ZNF341: variants seen among roughly 807,000 people sequenced by gnomAD.
The protein encoded by ZNF341 is zinc finger protein 341.
A neutral mutation model predicts 87.7 loss-of-function variants in ZNF341; 52 were observed. The observed-to-expected ratio is 0.59, with a 90% CI of 0.47 to 0.75. The LOEUF (loss-of-function observed/expected upper bound fraction) is 0.75. Among genes scored for constraint, ZNF341 ranks in the 30% least tolerant of loss-of-function variants. ZNF341 has a pLI of 0.00. For missense variants in ZNF341, 977 were observed against 1,145.9 expected (o/e 0.85, Z 2.13); for synonymous variants, 459 against 472.7 (o/e 0.97, Z 0.38).
At chr20:33,783,629 G>A (rs1290875870) in intron 11 of ZNF341, 103 bp from the exon 12 acceptor site, 1 of 1,524,322 alleles carries the variant, frequency 6.6e-7, no homozygotes, top group African/African-American at 1.4e-5. Flanking sequence ...CAGAAAGGAA[G>A]GTGTCTCTAT....
At chr20:33,787,437 C>G (rs367555016) in intron 12 of ZNF341, 3 of 152,122 alleles carry the variant, frequency 2.0e-5, no homozygotes, top group Non-Finnish European at 4.4e-5. Context: ...ATTTCCGTAT[C>G]GACTGGGTTG....
At chr20:33,752,112 C>G in intron 4 of ZNF341, 1 of 385,742 alleles carries the variant, frequency 2.6e-6, no homozygotes. Flanking sequence ...AAGCAAGCCC[C>G]CCCCCCTTTT....
intron 7 of ZNF341, among the ~76,000 whole-genome samples, chr20:33,759,353 C>T (rs768563066): frequency 4.6e-5 from 7 of 152,158 alleles, no homozygotes; most frequent in Non-Finnish European, 7.3e-5. Flanking sequence ...GGTGCAATCT[C>T]GGCTCACTGC....
intron 7 of ZNF341, among the ~76,000 whole-genome samples, chr20:33,761,219 G>T (rs1016448746): frequency 5.3e-5 from 8 of 152,052 alleles, no homozygotes; most frequent in Non-Finnish European, 1.2e-4. Flanking sequence ...CAAGTGCTGT[G>T]CTGTGACAAC....
At chr20:33,779,448 C>CTTT (rs34100674) in intron 10 of ZNF341, among the ~76,000 whole-genome samples, 11 of 129,076 alleles carry the variant, frequency 8.5e-5, no homozygotes, top group South Asian at 2.5e-4. Context: ...GACAATCTCC[C>CTTT]TTTTTTTTTT....
chr20:33,770,343 G>GGGGGGGGCCGGCC, intron 10 of ZNF341, 51 bp downstream of exon 10: 2 of 511,254 alleles, frequency 3.9e-6, no homozygotes, highest in Admixed American at 2.0e-5. Flanking sequence ...GGTGGGCAGG[G>GGGGGGGGCCGGCC]AGCCCAGGGC....
Position 33,761,962 on chromosome 20 carries a change from C to T in ZNF341, c.1129C>T (p.Pro377Ser). The T allele has an allele frequency of 1.2e-6, 2 of 1,609,216 alleles. No individual in the cohort carries two copies. The highest frequency in any genetic ancestry group is 8.5e-7 in the Non-Finnish European group (1 of 1,176,594). ...CATGCAGACCCACAAGGTGTGGCCT[C>T]CAGGACACAGTGGTGGCACCGTGTC... The part of the protein sequence containing the change: ...KHMQTHKVWP[P>S]GHSGGTVSRN... Residue 377 changes from proline (P) to serine (S), a missense_variant, in exon 8 of 15, where the codon CCA (proline) becomes TCA (serine). Pro to Ser is a moderately conservative substitution (Grantham distance 74). Coordinates refer to ENST00000375200, the MANE Select transcript of ZNF341 (RefSeq NM_001282933.2).
chr20:33,757,194 T>C lies in ZNF341; in HGVS notation c.788T>C (p.Val263Ala), dbSNP rs2019193709. The C allele has an allele frequency of 6.4e-7, 1 of 1,573,222 alleles. No individual in the cohort carries two copies. The highest frequency in any genetic ancestry group is 8.6e-7 in the Non-Finnish European group (1 of 1,161,648). ...CCTCCAGTATATCCCACCCCCACAG[T>C]GTACAGCCCTGGCAAACAGGGATTC... is the stretch of plus-strand genomic sequence containing the variant. The part of the protein sequence containing the change: ...VEPPVYPTPT[V>A]YSPGKQGFKP... Residue 263 changes from valine (V) to alanine (A), a missense_variant, in exon 6 of 15, where the codon GTG becomes GCG. Around this residue, in one of 3 missense-constraint regions of ZNF341, gnomAD observed 515 missense variants for 598.2 expected, o/e 0.86. Transcript: ENST00000375200.
At chr20:33,775,217 T>G (rs1166954953) in intron 10 of ZNF341, among the ~76,000 whole-genome samples, 9 of 151,678 alleles carry the variant, frequency 5.9e-5, no homozygotes, top group African/African-American at 1.4e-4. Context: ...GTTTTGTTTT[T>G]TTTTTTTTTT....
chr20:33,760,569 G>A (rs1601257292), intron 7 of ZNF341, among the ~76,000 whole-genome samples: 1 of 151,510 alleles, frequency 6.6e-6, no homozygotes, highest in East Asian at 1.9e-4. Context: ...TTTGAGACAG[G>A]GTCTTGCTCT....
rs751098136 is a variant in ZNF341 at position 33,789,521 on chromosome 20, G to A, written c.1968G>A (p.Thr656=). 1.1e-5 allele frequency: 18 copies of A among 1,613,864 alleles called. No homozygotes were observed. The highest frequency in any genetic ancestry group is 1.6e-4 in the Middle Eastern group (1 of 6,084). ...PFKKYKCPFS[T]HTGCSKEFNR... is the part of the protein sequence containing the mutation. ...GACCAGTGGCTTTGGGTTTTAGGAC[G>A]CACACAGGCTGCAGTAAGGAGTTCA... Residue 656 remains threonine (T), a synonymous_variant, in exon 14 of 15, where the codon ACG becomes ACA. Coordinates refer to ENST00000375200, the MANE Select transcript of ZNF341 (RefSeq NM_001282933.2).
chr20:33,787,725 G>A (rs1359289136), intron 12 of ZNF341: 1 of 152,282 alleles, frequency 6.6e-6, no homozygotes, highest in Non-Finnish European at 1.5e-5. Context: ...AACCATAGGG[G>A]TAGCCCCTGA....
intron 9 of ZNF341, among the ~76,000 whole-genome samples, chr20:33,769,458 G>T (rs568935121): frequency 3.5e-4 from 53 of 152,210 alleles, no homozygotes; most frequent in African/African-American, 1.2e-3. Context: ...TTTGAGAGCC[G>T]GTATTCCAGT....
chr20:33,735,188 G>A (rs766542510), intron 1 of ZNF341, among the ~76,000 whole-genome samples: 2 of 150,510 alleles, frequency 1.3e-5, no homozygotes, highest in Non-Finnish European at 3.0e-5. Context: ...TTACCACCAC[G>A]CCTGACTAAT....
At chr20:33,770,335 T>TGGGGGG in intron 10 of ZNF341, 43 bp downstream of exon 10, 1 of 380,186 alleles carries the variant, frequency 2.6e-6, no homozygotes, top group Non-Finnish European at 5.4e-6. Context: ...GACGGGTGGG[T>TGGGGGG]GGGCAGGGAG....
At chr20:33,746,586 G>A (rs1413880953) in intron 3 of ZNF341, among the ~76,000 whole-genome samples, 1 of 152,012 alleles carries the variant, frequency 6.6e-6, no homozygotes, top group Non-Finnish European at 1.5e-5. Context: ...TCAAGCAGAG[G>A]AGGGACATAG....
intron 10 of ZNF341, among the ~76,000 whole-genome samples, chr20:33,775,398 G>A (rs1465422269): frequency 6.6e-6 from 1 of 151,594 alleles, no homozygotes; most frequent in Non-Finnish European, 1.5e-5. Context: ...TTTTAGTAGA[G>A]ACGGGGTTTC....
chr20:33,764,403 C>T (rs6142017), intron 8 of ZNF341, among the ~76,000 whole-genome samples: 6 of 149,762 alleles, frequency 4.0e-5, no homozygotes, highest in African/African-American at 1.5e-4. Context: ...ATAAAATTTT[C>T]TAGTAGCTAC....
At chr20:33,747,645 C>G (rs1419372591) in intron 3 of ZNF341, among the ~76,000 whole-genome samples, 1 of 103,782 alleles carries the variant, frequency 9.6e-6, no homozygotes, top group East Asian at 5.4e-4. Context: ...AAAAAAAACA[C>G]AGTCATTTTT....
Sources: allele counts gnomAD v4.1 joint callset (sites outside exome capture counted in the v4.1 genomes callset), GRCh38; gene constraint gnomAD v4.1.1; regional missense constraint gnomAD v4.1.1; transcripts MANE v1.5; gene names NCBI Gene and HGNC (gene_info 2026-07-23, HGNC 2026-07-21).